Variants in TMEM67 observed in about 807,000 individuals in gnomAD.
TMEM67 encodes the protein meckelin.
Under a neutral mutation model 136.6 loss-of-function variants are expected in TMEM67, and 124 were observed. The observed-to-expected ratio is 0.91, with a 90% CI of 0.78 to 1.05. The LOEUF (loss-of-function observed/expected upper bound fraction) is 1.05. Ranked by LOEUF, TMEM67 falls within the 50% of genes least tolerant of loss-of-function variation. The probability of loss-of-function intolerance (pLI) is 0.00; values close to 1 mark genes in which losing one functional copy is unlikely to be tolerated. For synonymous variants in TMEM67, 364 were observed against 390.5 expected (o/e 0.93, Z 0.80); for missense variants, 1,107 against 1,178.4 (o/e 0.94, Z 0.89).
intron 3 of TMEM67, 66 bp downstream of exon 3, chr8:93,758,642 A>G (rs2130545729): frequency 4.6e-6 from 6 of 1,294,358 alleles, no homozygotes; most frequent in African/African-American, 1.5e-5. Context: ...TTTTTATTTG[A>G]AAAGGGCACT....
chr8:93,785,591 A>T (rs932112983), intron 12 of TMEM67: 8 of 523,502 alleles, frequency 1.5e-5, no homozygotes, highest in African/African-American at 3.9e-5. Flanking sequence ...TTAAGAAATT[A>T]TACTGTTGCT....
chr8:93,786,365 A>G lies in TMEM67; in HGVS notation c.1412+19A>G, dbSNP rs757870971. 53 of 1,612,062 alleles carry G rather than the reference A, an allele frequency of 3.3e-5. No individual in the cohort carries two copies. The highest frequency in any genetic ancestry group is 6.7e-5 in the African/African-American group (5 of 74,908). On this transcript the variant is annotated intron_variant, in intron 13 of 27. Coordinates refer to ENST00000453321, the MANE Select transcript of TMEM67 (RefSeq NM_153704.6). ...CACTGAGGTAAACAAATGTCTAATG[A>G]TATTATTTATGGGAAAATATCATAA... is the stretch of plus-strand genomic sequence containing the variant.
intron 14 of TMEM67, among the ~76,000 whole-genome samples, chr8:93,789,645 C>CAA (rs1292045566): frequency 1.0e-4 from 10 of 96,430 alleles, no homozygotes; most frequent in African/African-American, 3.1e-4. Flanking sequence ...AACTCTGTCT[C>CAA]AAAAAAATAT....
chr8:93,808,069 CCAAAG>C (rs1276649570), intron 23 of TMEM67, among the ~76,000 whole-genome samples: 2 of 151,226 alleles, frequency 1.3e-5, no homozygotes, highest in African/African-American at 2.4e-5. Context: ...CTAGTTAACT[CCAAAG>C]CAAGACCTTT....
rs772849083 is a variant in TMEM67, at chr8:93,781,679, G to A, written c.1000G>A (p.Ala334Thr). The change falls in exon 10 of 28, where the codon GCT (alanine) becomes ACT (threonine). Residue 334 changes from alanine (A) to threonine (T), a missense_variant. By Grantham distance (58) the Ala-to-Thr change is moderately conservative. This residue lies in a region of TMEM67 where 925 missense variants were observed against 1,002.4 expected (regional missense o/e 0.92). Transcript: ENST00000453321. Reference protein sequence around the residue: ...ENQNTKLKFVAASYDIRGNFL... With the variant: ...ENQNTKLKFVTASYDIRGNFL... ...TCAGAATACAAAACTGAAGTTTGTTGCTGCTTCCTATGATATAAGAGGAAA... is the reference window on the plus strand; with the variant it reads ...TCAGAATACAAAACTGAAGTTTGTTACTGCTTCCTATGATATAAGAGGAAA... 1.9e-6 allele frequency: 3 copies of A among 1,604,898 alleles called. No individual in the cohort carries two copies. Among genetic ancestry groups the A allele is most frequent in the Non-Finnish European group, 2.6e-6 (3 of 1,174,352 alleles).
At chr8:93,762,365 AT>A (rs58018051) in intron 3 of TMEM67, among the ~76,000 whole-genome samples, 18,031 of 140,242 alleles carry the variant, frequency 0.13, 1,097 homozygotes, top group African/African-American at 0.16. Flanking sequence ...CTTTTTAACA[AT>A]TTTTTTTTTT....
At position 93,793,311 on chromosome 8, in the gene TMEM67, G is replaced by T; in HGVS notation, c.1674+15G>T. On this transcript the variant is annotated intron_variant, in intron 16 of 27. Transcript: ENST00000453321. ...TTGATTTACAGGTATAATCTCAGGA[G>T]TTTTTTAAGAATATTTTTATCTTTT... 6.3e-7 allele frequency: 1 copy of T among 1,587,974 alleles called. No homozygotes were observed. Among genetic ancestry groups the T allele is most frequent in the Non-Finnish European group, 8.6e-7 (1 of 1,156,220 alleles).
the TMEM67 span, among the ~76,000 whole-genome samples, chr8:93,831,819 CCT>C: frequency 1.3e-3 from 197 of 152,270 alleles, 1 homozygote; most frequent in Middle Eastern, 6.8e-3. Context: ...CTGCTGAATT[CCT>C]GTTTCTCTTG....
chr8:93,828,710 A>T, the TMEM67 span, among the ~76,000 whole-genome samples: 1 of 150,558 alleles, frequency 6.6e-6, no homozygotes, highest in Non-Finnish European at 1.5e-5. Flanking sequence ...ACACCACAGC[A>T]TTCCAGCCTG....
At chr8:93,819,870 C>T (rs1214123937), downstream of TMEM67, among the ~76,000 whole-genome samples, 1 of 152,150 alleles carries the variant, frequency 6.6e-6, no homozygotes, top group Non-Finnish European at 1.5e-5. Context: ...CCTCCTGGGG[C>T]TCCCCAGTTC....
chr8:93,824,570 T>G, the TMEM67 span, among the ~76,000 whole-genome samples: 1 of 152,138 alleles, frequency 6.6e-6, no homozygotes, highest in Non-Finnish European at 1.5e-5. Flanking sequence ...TCTGTATGCT[T>G]AGGATAAAGA....
intron 21 of TMEM67, 110 bp from the exon 22 acceptor site, chr8:93,803,494 C>T: frequency 2.9e-6 from 2 of 678,290 alleles, no homozygotes; most frequent in Non-Finnish European, 2.7e-6. Flanking sequence ...CTGTTAAAGG[C>T]CACTGTGCTT....
chr8:93,761,911 T>C (rs1812855677), intron 3 of TMEM67: 1 of 152,200 alleles, frequency 6.6e-6, no homozygotes, highest in Non-Finnish European at 1.5e-5. Context: ...GCCTCCTGAG[T>C]GAAGAACTGA....
intron 7 of TMEM67, among the ~76,000 whole-genome samples, chr8:93,780,041 T>C (rs1442815930): frequency 2.0e-5 from 3 of 152,124 alleles, no homozygotes; most frequent in Non-Finnish European, 4.4e-5. Flanking sequence ...CAGTTGGAGC[T>C]TCCCCGGCTG....
intron 26 of TMEM67, among the ~76,000 whole-genome samples, chr8:93,811,563 C>A (rs1004754632): frequency 2.0e-5 from 3 of 151,882 alleles, no homozygotes; most frequent in Non-Finnish European, 4.4e-5. Context: ...TTTTGCCCCA[C>A]AAGATGTATA....
intron 26 of TMEM67, among the ~76,000 whole-genome samples, chr8:93,813,325 C>A (rs928269932): frequency 1.3e-5 from 2 of 151,786 alleles, no homozygotes; most frequent in Non-Finnish European, 2.9e-5. Flanking sequence ...ATTACAGGCA[C>A]CTGCCACCAC....
intron 16 of TMEM67, 50 bp downstream of exon 16, chr8:93,793,346 G>A (rs1814471023): frequency 6.8e-7 from 1 of 1,462,000 alleles, no homozygotes; most frequent in African/African-American, 1.4e-5. Context: ...TGACCATTCT[G>A]GATCCTTCTC....
At chr8:93,812,613 T>A (rs1808744117) in intron 26 of TMEM67, among the ~76,000 whole-genome samples, 1 of 152,264 alleles carries the variant, frequency 6.6e-6, no homozygotes. Flanking sequence ...TGAACTTTAG[T>A]GCCTTCTTTG....
At chr8:93,779,961 G>A (rs1372953448) in intron 7 of TMEM67, among the ~76,000 whole-genome samples, 2 of 152,212 alleles carry the variant, frequency 1.3e-5, no homozygotes, top group African/African-American at 2.4e-5. Flanking sequence ...CTTTTGTTCA[G>A]CTATGCCCTG....
Sources: gnomAD v4.1 joint callset for allele counts (sites outside exome capture counted in the v4.1 genomes callset) on GRCh38, gnomAD v4.1.1 for gene constraint, gnomAD v4.1.1 regional missense constraint, MANE v1.5 for transcripts, NCBI Gene and HGNC (gene_info 2026-07-23, HGNC 2026-07-21) for gene names.